The following SMARCC1 variants were observed in gnomAD, a reference collection of about 807,000 sequenced individuals.
The protein encoded by SMARCC1 is SWI/SNF complex subunit SMARCC1.
Under a neutral mutation model 147.4 loss-of-function variants are expected in SMARCC1, and 43 were observed. The ratio of observed to expected loss-of-function variants is 0.29; its 90% CI spans 0.23 to 0.38. The LOEUF (loss-of-function observed/expected upper bound fraction) is 0.38. SMARCC1 is among the 10% of genes least tolerant of loss of function. The pLI, the probability that SMARCC1 is intolerant of heterozygous loss-of-function variation, is 1.00. For missense variants in SMARCC1, 1,119 were observed against 1,381.1 expected, an observed-to-expected ratio of 0.81 and a Z score of 3.01; for synonymous variants, 495 against 484.4, an observed-to-expected ratio of 1.02 and a Z score of -0.29.
At chr3:47,728,169 C>G (rs2034323511) in intron 6 of SMARCC1, among the ~76,000 whole-genome samples, 1 of 136,668 alleles carries the variant, frequency 7.3e-6, no homozygotes, top group South Asian at 2.5e-4. Context: ...TCACTGCAAC[C>G]TCCATATCCC....
chr3:47,594,089 C>T (rs893682785), intron 26 of SMARCC1, among the ~76,000 whole-genome samples: 30 of 150,972 alleles, frequency 2.0e-4, no homozygotes, highest in Non-Finnish European at 3.5e-4. Context: ...TGCTTGAACC[C>T]GGGAGGTGGA....
chr3:47,597,487 C>T (rs1208788987), intron 26 of SMARCC1, among the ~76,000 whole-genome samples: 9 of 152,090 alleles, frequency 5.9e-5, no homozygotes, highest in South Asian at 2.1e-4. Flanking sequence ...CCACCACGCC[C>T]GGCTAATTTT....
At chr3:47,663,024 C>T (rs1044013729) in intron 19 of SMARCC1, among the ~76,000 whole-genome samples, 3 of 145,552 alleles carry the variant, frequency 2.1e-5, no homozygotes, top group East Asian at 4.1e-4. Flanking sequence ...TGCAGTGAGC[C>T]GAGATTGTGC....
chr3:47,770,884 G>A (rs1042441047), intron 2 of SMARCC1, among the ~76,000 whole-genome samples: 3 of 151,880 alleles, frequency 2.0e-5, no homozygotes, highest in Admixed American at 1.3e-4. Context: ...CAAGATCACC[G>A]AAACAATACT....
intron 3 of SMARCC1, among the ~76,000 whole-genome samples, chr3:47,745,165 G>T (rs976681666): frequency 6.6e-6 from 1 of 152,148 alleles, no homozygotes; most frequent in African/African-American, 2.4e-5. Context: ...AGTTACTCAG[G>T]AGGCTGAGGC....
intron 25 of SMARCC1, among the ~76,000 whole-genome samples, chr3:47,621,227 G>A (rs754441084): frequency 6.6e-6 from 1 of 150,962 alleles, no homozygotes; most frequent in Non-Finnish European, 1.5e-5. Flanking sequence ...TTGAACCTAG[G>A]AGGCAGAGGT....
At chr3:47,748,819 C>T (rs765727222) in intron 2 of SMARCC1, among the ~76,000 whole-genome samples, 13 of 151,872 alleles carry the variant, frequency 8.6e-5, no homozygotes, top group Non-Finnish European at 2.9e-5. Flanking sequence ...ATTAAAAAGA[C>T]AAAAAGCAGA....
intron 19 of SMARCC1, among the ~76,000 whole-genome samples, chr3:47,664,186 A>G (rs1205581774): frequency 6.6e-6 from 1 of 152,068 alleles, no homozygotes; most frequent in East Asian, 1.9e-4. Flanking sequence ...TCTAAAAAAA[A>G]AAAAAAAAAG....
chr3:47,735,326 G>A (rs1374211596), intron 5 of SMARCC1, among the ~76,000 whole-genome samples: 1 of 152,060 alleles, frequency 6.6e-6, no homozygotes, highest in Non-Finnish European at 1.5e-5. Flanking sequence ...CTAAAGATGA[G>A]GGGAGAGAAA....
intron 26 of SMARCC1, among the ~76,000 whole-genome samples, chr3:47,595,540 T>TAAATA (rs56840398): frequency 4.0e-5 from 6 of 150,378 alleles, no homozygotes; most frequent in African/African-American, 9.8e-5. Context: ...AATAAATAAA[T>TAAATA]AAATAAAATA....
intron 2 of SMARCC1, among the ~76,000 whole-genome samples, chr3:47,761,903 G>A (rs1217198869): frequency 1.3e-5 from 2 of 152,092 alleles, no homozygotes; most frequent in Non-Finnish European, 2.9e-5. Context: ...CTGCCTCTCA[G>A]GTTCAAGCTA....
chr3:47,705,620 C>CATATA (rs2033983369), intron 10 of SMARCC1, among the ~76,000 whole-genome samples: 1 of 152,070 alleles, frequency 6.6e-6, no homozygotes, highest in African/African-American at 2.4e-5. Flanking sequence ...AGAGGAAAGT[C>CATATA]TATATAAGGA....
chr3:47,682,163 T>C (rs1483376472), intron 14 of SMARCC1, among the ~76,000 whole-genome samples: 3 of 151,622 alleles, frequency 2.0e-5, no homozygotes, highest in African/African-American at 4.8e-5. Flanking sequence ...GGCATGGTGT[T>C]GGGTGCCTGT....
chr3:47,702,839 C>T (rs561936864), intron 10 of SMARCC1, among the ~76,000 whole-genome samples: 15 of 152,330 alleles, frequency 9.8e-5, no homozygotes, highest in African/African-American at 3.4e-4. Context: ...CTTAAGCCAT[C>T]CTCCTACCTT....
At chr3:47,763,154 A>G (rs2034794143) in intron 2 of SMARCC1, among the ~76,000 whole-genome samples, 1 of 151,866 alleles carries the variant, frequency 6.6e-6, no homozygotes, top group Admixed American at 6.6e-5. Context: ...TTCAACAGTA[A>G]TAATCTTTCT....
chr3:47,764,538 G>A (rs1160417504), intron 2 of SMARCC1, among the ~76,000 whole-genome samples: 1 of 152,190 alleles, frequency 6.6e-6, no homozygotes, highest in East Asian at 1.9e-4. Flanking sequence ...CTGCACTGAA[G>A]TTGATCATAT....
chr3:47,654,822 C>G (rs2033239835), intron 21 of SMARCC1, among the ~76,000 whole-genome samples: 1 of 152,148 alleles, frequency 6.6e-6, no homozygotes, highest in Non-Finnish European at 1.5e-5. Context: ...GAAACTCATT[C>G]ACTACTACAA....
At chr3:47,707,231 G>C (rs763208815) in intron 9 of SMARCC1, among the ~76,000 whole-genome samples, 1 of 151,690 alleles carries the variant, frequency 6.6e-6, no homozygotes, top group Non-Finnish European at 1.5e-5. Context: ...AGAACTGCTT[G>C]AACCCGGTAG....
chr3:47,748,244 C>G (rs1246128421), intron 2 of SMARCC1, among the ~76,000 whole-genome samples: 6 of 152,246 alleles, frequency 3.9e-5, no homozygotes, highest in Middle Eastern at 3.4e-3. Flanking sequence ...AACAGGGTCT[C>G]ACTGTGTTGC....
Sources: gnomAD v4.1 joint callset for allele counts (sites outside exome capture counted in the v4.1 genomes callset) on GRCh38, gnomAD v4.1.1 for gene constraint, MANE v1.5 for transcripts, NCBI Gene and HGNC (gene_info 2026-07-23, HGNC 2026-07-21) for gene names.